The following POLR1B variants were observed in gnomAD, a reference collection of about 807,000 sequenced individuals.
POLR1B encodes the protein RNA polymerase I subunit B.
POLR1B carries 30 observed loss-of-function variants against 105.8 expected under a neutral mutation model. The ratio of observed to expected loss-of-function variants is 0.28; its 90% confidence interval spans 0.21 to 0.38. The LOEUF (loss-of-function observed/expected upper bound fraction) is 0.38, where lower values mean the gene tolerates loss of function less well. POLR1B is among the 10% of genes least tolerant of loss of function. The pLI, the probability that POLR1B is intolerant of heterozygous loss-of-function variation, is 1.00. For missense variants in POLR1B, 976 were observed against 1,435.8 expected, an observed-to-expected ratio of 0.68 and a Z score of 5.17; for synonymous variants, 485 against 505.1, an observed-to-expected ratio of 0.96 and a Z score of 0.53.
At chr2:112,547,314 C>A in intron 2 of POLR1B, 107 bp from the exon 3 acceptor site, 1 of 1,481,638 alleles carries the variant, frequency 6.7e-7, no homozygotes, top group South Asian at 1.3e-5. Context: ...AAATCTAAGG[C>A]ATAAAATAAT....
chr2:112,551,066 C>T (rs1251745927), intron 5 of POLR1B, 64 bp downstream of exon 5: 4 of 1,473,896 alleles, frequency 2.7e-6, no homozygotes, highest in Non-Finnish European at 2.8e-6. Flanking sequence ...ATCCTGTGCA[C>T]ATTGGATGGA....
chr2:112,551,739 T>C (rs1434282850), intron 5 of POLR1B, 36 bp from the exon 6 acceptor site: 2 of 1,501,492 alleles, frequency 1.3e-6, no homozygotes, highest in Admixed American at 3.7e-5. Flanking sequence ...ATTTTAGTTA[T>C]TAGTGAGCAA....
chr2:112,557,680 G>T (rs1315595802), intron 7 of POLR1B, among the ~76,000 whole-genome samples: 1 of 152,070 alleles, frequency 6.6e-6, no homozygotes, highest in Non-Finnish European at 1.5e-5. Flanking sequence ...GGACTCAAGC[G>T]ATCCTTCCGC....
Position 112,558,004 on chromosome 2 carries a change from G to A in POLR1B, c.1253G>A (p.Arg418Lys), listed in dbSNP as rs569151613. The change falls in exon 8 of 15, where the codon AGG becomes AAG. Residue 418 changes from arginine (R) to lysine (K), a missense_variant. Transcript: ENST00000263331. ...SVSMNTDNLM[R>K]IFTMGIDLTK... ...TCCATGAACACTGACAATTTGATGA[G>A]GATTTTTACAATGGGCATAGACCTT... 1.1e-5 allele frequency: 16 copies of A among 1,427,934 alleles called. No homozygotes were observed. The East Asian group carries it at 3.9e-4, about 35-fold the overall frequency. The allele number at this position is 1,427,934 out of a possible 1,614,324, so 88.5% of individuals were successfully genotyped here.
At position 112,558,000 on chromosome 2, in the gene POLR1B, A is replaced by G; in HGVS notation, c.1249A>G (p.Met417Val). 7.0e-7 allele frequency: 1 copy of G among 1,427,284 alleles called. No homozygotes were observed. The highest frequency in any genetic ancestry group is 1.7e-5 in the South Asian group (1 of 57,452). The allele number at this position is 1,427,284 out of a possible 1,614,324, so 88.4% of individuals were successfully genotyped here. A position where few individuals can be genotyped will look rare whatever the true frequency, so the allele number is the denominator to read the frequency against. Reference protein sequence around the residue: ...TSVSMNTDNLMRIFTMGIDLT... With the variant: ...TSVSMNTDNLVRIFTMGIDLT... ...TGTTTCCATGAACACTGACAATTTG[A>G]TGAGGATTTTTACAATGGGCATAGA... Residue 417 changes from methionine (M) to valine (V), a missense_variant, in exon 8 of 15, where the codon ATG becomes GTG. Physicochemically the swap from Met to Val is conservative, Grantham distance 21. Around this residue, in one of 12 missense-constraint regions of POLR1B, gnomAD observed 452 missense variants for 616.5 expected, o/e 0.73. Transcript: ENST00000263331.
chr2:112,546,544 CTTTTTTTTTTTTTTT>C (rs869087985), intron 1 of POLR1B, among the ~76,000 whole-genome samples: 7 of 53,188 alleles, frequency 1.3e-4, no homozygotes, highest in South Asian at 2.1e-3. Context: ...CTGGAGGTAG[CTTTTTTTTTTTTTTT>C]TTTTTTTTTT....
intron 1 of POLR1B, chr2:112,545,803 C>G (rs1401484527): frequency 2.7e-6 from 1 of 367,472 alleles, no homozygotes; most frequent in Admixed American, 3.4e-5. Flanking sequence ...CTATGCCCGG[C>G]TAATTTTTTT....
rs1361356775 is a variant in POLR1B, at chr2:112,557,982, A to G, written c.1231A>G (p.Met411Val). The part of the protein sequence containing the change: ...DKKAQKTSVS[M>V]NTDNLMRIFT... ...GAAGGCTCAGAAGACCAGTGTTTCC[A>G]TGAACACTGACAATTTGATGAGGAT... Residue 411 changes from methionine to valine, a missense_variant, in exon 8 of 15, where the codon ATG (methionine) becomes GTG (valine). Physicochemically the swap from Met to Val is conservative, Grantham distance 21 (BLOSUM62 1). Transcript: ENST00000263331. The G allele has an allele frequency of 2.8e-6, 4 of 1,419,452 alleles. No individual in the cohort carries two copies. The highest frequency in any genetic ancestry group is 2.8e-6 in the Non-Finnish European group (3 of 1,071,304). 87.9% of individuals were successfully genotyped at this position (1,419,452 alleles called of 1,614,324 possible).
intron 7 of POLR1B, chr2:112,553,716 C>T (rs1683495461): frequency 6.6e-6 from 1 of 152,162 alleles, no homozygotes; most frequent in South Asian, 2.1e-4. Flanking sequence ...TGCCTTTCAA[C>T]AAAAGCTGAC....
At position 112,551,987 on chromosome 2, in the gene POLR1B, G is replaced by T; in HGVS notation, c.975G>T (p.Glu325Asp). 6.2e-7 allele frequency: 1 copy of T among 1,613,888 alleles called. No homozygotes were observed. The highest frequency in any genetic ancestry group is 1.3e-5 in the African/African-American group (1 of 75,046). ...GGTACCCAAATGAGCAAGCTGCGGA[G>T]TTCCTGTTTAAGTATGTGTGCTTTG... The part of the protein sequence containing the change: ...PDWYPNEQAA[E>D]FLFNQCICIH... Residue 325 changes from glutamate (E) to aspartate (D), a missense_variant, in exon 6 of 15, where the codon GAG becomes GAT. This residue lies in a region of POLR1B where 452 missense variants were observed against 616.5 expected (regional missense o/e 0.73). Coordinates refer to ENST00000263331, the MANE Select transcript of POLR1B (RefSeq NM_019014.6).
intron 9 of POLR1B, among the ~76,000 whole-genome samples, chr2:112,561,754 A>G (rs894896804): frequency 4.6e-5 from 7 of 152,204 alleles, no homozygotes; most frequent in African/African-American, 1.7e-4. Context: ...TCTGTTAGGC[A>G]CATCACACCT....
rs1425184955 is a variant in POLR1B at position 112,547,189 on chromosome 2, A to G, written c.345+10A>G. ...CCGTGGGAAGTTGACAGTGAGTACT[A>G]GTGATACTGTGTGACTCTCAACACT... On this transcript the variant is annotated intron_variant, in intron 2 of 14. Coordinates refer to ENST00000263331, the MANE Select transcript of POLR1B (RefSeq NM_019014.6). The G allele has an allele frequency of 6.2e-7, 1 of 1,613,586 alleles. No homozygotes were observed. Among genetic ancestry groups the G allele is most frequent in the Non-Finnish European group, 8.5e-7 (1 of 1,179,578 alleles).
Position 112,579,208 on chromosome 2 carries a change from C to CAAAAAAAAAAAAAAAAAAAAA in POLR1B, c.*3491_*3511dup. ...GGGCAACAGAGCAAGACTAGAGTCT[C>CAAAAAAAAAAAAAAAAAAAAA]AAAAAAAAAAAAAAAAAAAAAAAAA... On this transcript the variant is annotated 3_prime_UTR_variant, in exon 15 of 15. Transcript: ENST00000263331. Among the ~76,000 whole-genome samples the CAAAAAAAAAAAAAAAAAAAAA allele has an allele frequency of 1.7e-5, 1 of 58,664 alleles. No individual in the cohort carries two copies. Among genetic ancestry groups the CAAAAAAAAAAAAAAAAAAAAA allele is most frequent in the Non-Finnish European group, 2.8e-5 (1 of 35,214 alleles). 38.5% of individuals were successfully genotyped at this position (58,664 alleles called of 152,430 possible).
Position 112,578,378 on chromosome 2 carries a change from C to T in POLR1B, c.*2649C>T, listed in dbSNP as rs568553437. Among the ~76,000 whole-genome samples, 1 of 152,156 alleles carries T rather than the reference C, an allele frequency of 6.6e-6. No homozygotes were observed. Among genetic ancestry groups the T allele is most frequent in the African/African-American group, 2.4e-5 (1 of 41,446 alleles). On this transcript the variant is annotated 3_prime_UTR_variant, in exon 15 of 15. Transcript: ENST00000263331. ...CCCTGGAAACCACTAATCTGTTCTT[C>T]ATAATTTTCTTATTTCAAGAATCTT...
At chr2:112,551,129 T>A in intron 5 of POLR1B, 127 bp downstream of exon 5, 1 of 946,610 alleles carries the variant, frequency 1.1e-6, no homozygotes, top group Non-Finnish European at 1.6e-6. Context: ...CAAAACAAAT[T>A]ACGTCAAAAT....
intron 5 of POLR1B, among the ~76,000 whole-genome samples, 154 bp downstream of exon 5, chr2:112,551,156 C>A (rs1047834917): frequency 3.9e-5 from 6 of 152,178 alleles, no homozygotes; most frequent in African/African-American, 1.2e-4. Flanking sequence ...GCTTAAAACT[C>A]AATAACATTT....
rs546583252 is a variant in POLR1B at position 112,576,688 on chromosome 2, A to G, written c.*959A>G. On this transcript the variant is annotated 3_prime_UTR_variant, in exon 15 of 15. Transcript: ENST00000263331. ...AAGCCAGGCATGGTGCTGTGCATCT[A>G]TAGTCCCTGCTATTTGAGAGGCTGA... is the stretch of plus-strand genomic sequence containing the variant. 2 of 152,300 alleles carry G rather than the reference A, an allele frequency of 1.3e-5. No homozygotes were observed. Among genetic ancestry groups the G allele is most frequent in the Non-Finnish European group, 2.9e-5 (2 of 68,038 alleles). 9.4% of individuals were successfully genotyped at this position (152,300 alleles called of 1,614,324 possible).
Position 112,562,754 on chromosome 2 carries a change from G to GT in POLR1B, c.1613-1609dup, listed in dbSNP as rs1260012868. ...TTTTTTTTTTTTTTTTTGCGACGGA[G>GT]TTTCGCTCTTGCCCAGGCTGGAGTG... On this transcript the variant is annotated intron_variant, in intron 9 of 14. Coordinates refer to ENST00000263331, the MANE Select transcript of POLR1B (RefSeq NM_019014.6). Among the ~76,000 whole-genome samples the GT allele has an allele frequency of 5.6e-5, 8 of 143,592 alleles. No individual in the cohort carries two copies. The East Asian group carries it at 1.6e-3, about 28-fold the overall frequency. The allele number at this position is 143,592 out of a possible 152,430, so 94.2% of individuals were successfully genotyped here.
intron 9 of POLR1B, among the ~76,000 whole-genome samples, chr2:112,563,747 T>A (rs1042744445): frequency 9.9e-5 from 15 of 151,606 alleles, no homozygotes; most frequent in African/African-American, 3.6e-4. Flanking sequence ...AAAAAAAATT[T>A]AAAAATTAGC....
Sources: allele counts gnomAD v4.1 joint callset (sites outside exome capture counted in the v4.1 genomes callset), GRCh38; gene constraint gnomAD v4.1.1; regional missense constraint gnomAD v4.1.1; transcripts MANE v1.5; gene names NCBI Gene and HGNC (gene_info 2026-07-23, HGNC 2026-07-21).